Variants in P4HB observed in about 807,000 individuals in gnomAD.
The protein encoded by P4HB is prolyl 4-hydroxylase subunit beta.
In P4HB, 20 loss-of-function variants were observed where a neutral mutation model predicts 52.6. That is an observed-to-expected ratio of 0.38 (90% confidence interval 0.27 to 0.55). P4HB has a LOEUF of 0.55. P4HB is among the 20% of genes least tolerant of loss of function. The pLI is 0.74. For synonymous variants in P4HB, 296 were observed against 277.9 expected (o/e 1.07, Z -0.65); for missense variants, 601 against 669.2 (o/e 0.90, Z 1.12).
rs1287812639 is a variant in P4HB, at chr17:81,846,007, G to A, written c.1057-16C>T. The A allele has an allele frequency of 6.3e-7, 1 of 1,598,472 alleles. No individual in the cohort carries two copies. The highest frequency in any genetic ancestry group is 1.1e-5 in the South Asian group (1 of 90,214). On this transcript the variant is annotated splice_polypyrimidine_tract_variant and intron_variant, in intron 7 of 10. Coordinates refer to ENST00000331483, the MANE Select transcript of P4HB (RefSeq NM_000918.4). This position sits in a 1 kb window ranked among gnomAD's most constrained non-coding sequence, Gnocchi z 5.7. The stretch of plus-strand genomic sequence containing the variant: ...TCAGGTGGGGCTGGAGGGCAGGCAG[G>A]GCACGGTGAGGGGCGGCGATGCCTG...
rs887490895 is a variant in P4HB at position 81,843,711 on chromosome 17, G to A, written c.*301C>T. The A allele has an allele frequency of 9.1e-6, 4 of 438,954 alleles. No homozygotes were observed. The highest frequency in any genetic ancestry group is 2.0e-5 in the African/African-American group (1 of 49,676). 27.2% of individuals were successfully genotyped at this position (438,954 alleles called of 1,614,324 possible). On this transcript the variant is annotated 3_prime_UTR_variant, in exon 11 of 11. Coordinates refer to ENST00000331483, the MANE Select transcript of P4HB (RefSeq NM_000918.4). The stretch of plus-strand genomic sequence containing the variant: ...CGCGGGAGGGAGGCAGCGAGACTCC[G>A]AACACGGTAGCAAGCACTCTGGACA...
Position 81,855,453 on chromosome 17 carries a change from C to T in P4HB, c.486G>A (p.Lys162=). 3 of 1,611,058 alleles carry T rather than the reference C, an allele frequency of 1.9e-6. No homozygotes were observed. The highest frequency in any genetic ancestry group is 2.5e-6 in the Non-Finnish European group (3 of 1,178,202). ...SSEVAVIGFF[K]DVESDSAKQF... ...AAGACTGGAATGCTCTGGTCTCTAC[C>T]TTGAAGAAGCCGATGACAGCCACCT... Residue 162 remains lysine (K), a splice_region_variant and synonymous_variant, in exon 3 of 11, where the codon AAG becomes AAA. Coordinates refer to ENST00000331483, the MANE Select transcript of P4HB (RefSeq NM_000918.4). This position sits in a 1 kb window ranked among gnomAD's most constrained non-coding sequence, Gnocchi z 4.3.
intron 4 of P4HB, among the ~76,000 whole-genome samples, chr17:81,853,794 G>C (rs1256666058): frequency 6.6e-6 from 1 of 152,030 alleles, no homozygotes; most frequent in Non-Finnish European, 1.5e-5. Context: ...CCTCTCCCGA[G>C]ACTTTCTCTC....
rs989514631 is a variant in P4HB, at chr17:81,860,465, G to A, written c.7C>T (p.Arg3Cys). The A allele has an allele frequency of 1.5e-6, 2 of 1,331,550 alleles. No individual in the cohort carries two copies. Among genetic ancestry groups the A allele is most frequent in the South Asian group, 2.0e-5 (1 of 51,004 alleles). The allele number at this position is 1,331,550 out of a possible 1,614,324, so 82.5% of individuals were successfully genotyped here. Residue 3 changes from arginine (R) to cysteine (C), a missense_variant, in exon 1 of 11, where the codon CGC becomes TGC. Physicochemically the swap from Arg to Cys is radical, Grantham distance 180. Transcript: ENST00000331483. ...ACGGCCAGGCACAGCAGAGCGCGGCGCAGCATGTCGGACACGGATCAGGCG... is the reference window on the plus strand; with the variant it reads ...ACGGCCAGGCACAGCAGAGCGCGGCACAGCATGTCGGACACGGATCAGGCG... ML[R>C]RALLCLAVAA...
chr17:81,844,612 G>A (rs1488794835), intron 10 of P4HB, among the ~76,000 whole-genome samples: 1 of 152,206 alleles, frequency 6.6e-6, no homozygotes, highest in East Asian at 1.9e-4. Flanking sequence ...AGCACTCCCA[G>A]CAGGCCCTGC....
chr17:81,859,158 C>A (rs1194021326), intron 2 of P4HB, 23 bp downstream of exon 2: 1 of 1,607,700 alleles, frequency 6.2e-7, no homozygotes, highest in Non-Finnish European at 8.5e-7. Context: ...AAAGACAGTT[C>A]AAGGGCAGTG....
intron 4 of P4HB, among the ~76,000 whole-genome samples, chr17:81,854,511 C>T (rs1207213285): frequency 6.8e-6 from 1 of 147,110 alleles, no homozygotes; most frequent in Admixed American, 6.9e-5. Context: ...CACCGCACTC[C>T]AGCCTGGGCG....
chr17:81,854,856 C>A, intron 4 of P4HB, among the ~76,000 whole-genome samples: 1 of 141,934 alleles, frequency 7.0e-6, no homozygotes, highest in African/African-American at 2.6e-5. Flanking sequence ...AAAAAAAGGG[C>A]AAATGTTGTT....
rs1364727474 is a variant in P4HB at position 81,859,641 on chromosome 17, G to A, written c.146-254C>T. ...ACTCTGCTATGTCACCATCAGCACA[G>A]CCAGACAAACCTTTCAATGGTTGCT... On this transcript the variant is annotated intron_variant, in intron 1 of 10. Coordinates refer to ENST00000331483, the MANE Select transcript of P4HB (RefSeq NM_000918.4). The A allele has an allele frequency of 2.3e-5, 12 of 531,958 alleles. No homozygotes were observed. The South Asian group carries it at 2.4e-4, about 11-fold the overall frequency. The allele number at this position is 531,958 out of a possible 1,614,324, so 33.0% of individuals were successfully genotyped here.
In P4HB at chr17:81,847,043, G is replaced by C; in HGVS notation, c.759C>G (p.Ile253Met). The change falls in exon 6 of 11, where the codon ATC becomes ATG. Residue 253 changes from isoleucine (I) to methionine (M), a missense_variant. Ile to Met is a conservative substitution (Grantham distance 10). Transcript: ENST00000331483. ...GCAAGAACAGCAGGATGTGAGTCTT[G>C]ATTTCACCTCCAAAAATCTTCGGGG... The part of the protein sequence containing the change: ...QTAPKIFGGE[I>M]KTHILLFLPK... 6.2e-7 allele frequency: 1 copy of C among 1,614,012 alleles called. No homozygotes were observed. The highest frequency in any genetic ancestry group is 1.1e-5 in the South Asian group (1 of 91,086).
At position 81,845,569 on chromosome 17, in the gene P4HB, C is replaced by T. The variant is rs986363644; in HGVS notation, c.1351G>A (p.Asp451Asn). The stretch of plus-strand genomic sequence containing the variant: ...CTGGAGGGAAGGCGCACCGTCCTGT[C>T]GGCACTGGCAGGAAAGAACTTGAGT... The part of the protein sequence containing the change: ...PTLKFFPASA[D>N]RTVIDYNGER... Residue 451 changes from aspartate to asparagine, a missense_variant, in exon 9 of 11, where the codon GAC becomes AAC. Coordinates refer to ENST00000331483, the MANE Select transcript of P4HB (RefSeq NM_000918.4). The T allele has an allele frequency of 1.1e-5, 18 of 1,600,318 alleles. No individual in the cohort carries two copies. Among genetic ancestry groups the T allele is most frequent in the East Asian group, 4.5e-5 (2 of 44,608 alleles).
intron 4 of P4HB, among the ~76,000 whole-genome samples, chr17:81,850,767 G>A (rs113691812): frequency 0.032 from 4,855 of 152,234 alleles, 258 homozygotes; most frequent in African/African-American, 0.11. Context: ...ACAGGCGTGA[G>A]CCAGCGTGTC....
At chr17:81,859,826 G>A (rs540713449) in intron 1 of P4HB, 2 of 224,862 alleles carry the variant, frequency 8.9e-6, no homozygotes, top group East Asian at 1.2e-4. Flanking sequence ...GTTGCTTAGG[G>A]TGAGAATAAG....
chr17:81,854,896 A>AAG (rs1567840439), intron 4 of P4HB, among the ~76,000 whole-genome samples: 1 of 151,936 alleles, frequency 6.6e-6, no homozygotes, highest in African/African-American at 2.4e-5. Context: ...AAAAAAAAAA[A>AAG]AAAGCTAACA....
At chr17:81,860,261 G>T in intron 1 of P4HB, 66 bp downstream of exon 1, 2 of 1,269,144 alleles carry the variant, frequency 1.6e-6, no homozygotes, top group Non-Finnish European at 2.0e-6. Context: ...GCCGGGCCGT[G>T]CCTGCGTCCC....
rs780956455 is a variant in P4HB at position 81,845,204 on chromosome 17, C to T, written c.1386G>A (p.Thr462=). The T allele has an allele frequency of 1.2e-5, 19 of 1,613,872 alleles. No individual in the cohort carries two copies. The highest frequency in any genetic ancestry group is 1.5e-5 in the Non-Finnish European group (18 of 1,179,834). Residue 462 remains threonine (T), a synonymous_variant, in exon 10 of 11, where the codon ACG becomes ACA. Coordinates refer to ENST00000331483, the MANE Select transcript of P4HB (RefSeq NM_000918.4). ...CCAGGAATTTCTTAAAACCATCCAG[C>T]GTGCGTTCCCCGTTGTAATCAATGA... is the stretch of plus-strand genomic sequence containing the variant. ...RTVIDYNGER[T]LDGFKKFLES...
intron 4 of P4HB, among the ~76,000 whole-genome samples, chr17:81,850,921 C>A (rs1045562521): frequency 6.6e-6 from 1 of 152,146 alleles, no homozygotes; most frequent in East Asian, 1.9e-4. Context: ...AGCCACCAAG[C>A]CTGGTCCCCT....
chr17:81,860,231 G>T, intron 1 of P4HB, 96 bp downstream of exon 1: 2 of 1,056,850 alleles, frequency 1.9e-6, no homozygotes, highest in Non-Finnish European at 2.5e-6. Flanking sequence ...GGCGCGCCGG[G>T]GGTCCCGACC....
Position 81,845,951 on chromosome 17 carries a change from T to C in P4HB, c.1097A>G (p.Lys366Arg), listed in dbSNP as rs1380234389. The change falls in exon 8 of 11, where the codon AAG becomes AGG. Residue 366 changes from lysine (K) to arginine (R), a missense_variant. By Grantham distance (26) the Lys-to-Arg change is conservative. Coordinates refer to ENST00000331483, the MANE Select transcript of P4HB (RefSeq NM_000918.4). ...CCCAACAAGCACCTTGACAGGCTGC[T>C]TGTCCCAGTCCTCCGGCAGCTCCTG... ...MSQELPEDWDKQPVKVLVGKN... is the reference protein window; with the variant it reads ...MSQELPEDWDRQPVKVLVGKN... 2.7e-5 allele frequency: 44 copies of C among 1,613,176 alleles called. No individual in the cohort carries two copies. The highest frequency in any genetic ancestry group is 3.6e-5 in the Non-Finnish European group (43 of 1,179,660).
Sources: allele counts gnomAD v4.1 joint callset (sites outside exome capture counted in the v4.1 genomes callset), GRCh38; gene constraint gnomAD v4.1.1; non-coding constraint Gnocchi (gnomAD v3.1); transcripts MANE v1.5; gene names NCBI Gene and HGNC (gene_info 2026-07-23, HGNC 2026-07-21).